The following NDUFB7 variants were observed in gnomAD, a reference collection of about 807,000 sequenced individuals.
NDUFB7 encodes NADH dehydrogenase [ubiquinone] 1 beta subcomplex subunit 7.
A neutral mutation model predicts 14.7 loss-of-function variants in NDUFB7; 18 were observed. That is an observed-to-expected ratio of 1.22 (90% CI 0.85 to 1.81). NDUFB7 has a LOEUF of 1.81. NDUFB7 is among the 40% of genes most tolerant of loss of function. The pLI is 0.00. For synonymous variants in NDUFB7, 86 were observed against 76.1 expected, an observed-to-expected ratio of 1.13 and a Z score of -0.68; for missense variants, 219 against 195.0, an observed-to-expected ratio of 1.12 and a Z score of -0.73.
At position 14,567,196 on chromosome 19, in the gene NDUFB7, C is replaced by A. The variant is rs1451544877; in HGVS notation, c.113-263G>T. 3.9e-5 allele frequency among the ~76,000 whole-genome samples: 6 copies of A among 152,116 alleles called. No homozygotes were observed. The highest frequency in any genetic ancestry group is 8.8e-5 in the Non-Finnish European group (6 of 68,012). On this transcript the variant is annotated intron_variant, in intron 1 of 2. Coordinates refer to ENST00000215565, the MANE Select transcript of NDUFB7 (RefSeq NM_004146.6). This position sits in a 1 kb window ranked among gnomAD's most constrained non-coding sequence, Gnocchi z 5.1. ...TCCCCATCACCCTGAGGCACCTCAACATCCCGTGCCGGATCCTTGCCTCCC... is the reference window on the plus strand; with the variant it reads ...TCCCCATCACCCTGAGGCACCTCAAAATCCCGTGCCGGATCCTTGCCTCCC...
chr19:14,571,528 T>C (rs1043132287), intron 1 of NDUFB7, among the ~76,000 whole-genome samples: 3 of 149,386 alleles, frequency 2.0e-5, no homozygotes, highest in Non-Finnish European at 4.4e-5. Flanking sequence ...ACCCGGGAGG[T>C]GGAGGCTGCC....
chr19:14,566,116 G>T lies in NDUFB7; in HGVS notation c.*17C>A. On this transcript the variant is annotated 3_prime_UTR_variant, in exon 3 of 3. Coordinates refer to ENST00000215565, the MANE Select transcript of NDUFB7 (RefSeq NM_004146.6). ...AGGCTTTTATTTGACTGGTCCATAG[G>T]GTGGGGGGTGCACCCCCTACAGGGC... 1.2e-6 allele frequency: 2 copies of T among 1,603,846 alleles called. No individual in the cohort carries two copies. The highest frequency in any genetic ancestry group is 1.7e-6 in the Non-Finnish European group (2 of 1,175,016).
At chr19:14,571,782 C>A in intron 1 of NDUFB7, 107 bp downstream of exon 1, 1 of 1,068,404 alleles carries the variant, frequency 9.4e-7, no homozygotes, top group Non-Finnish European at 1.4e-6. Flanking sequence ...AACCCAGATA[C>A]AACACCTGAG....
rs981436499 is a variant in NDUFB7 at position 14,567,590 on chromosome 19, C to T, written c.113-657G>A. On this transcript the variant is annotated intron_variant, in intron 1 of 2. Transcript: ENST00000215565. The surrounding 1 kb of genome is among the most constrained non-coding windows in gnomAD (Gnocchi z 5.1). ...GACAAATCAACCTTCAGGAGGGGGC[C>T]GATGGGAGCATGAGGAATCCTGGAC... 4.6e-5 allele frequency among the ~76,000 whole-genome samples: 7 copies of T among 151,946 alleles called. No individual in the cohort carries two copies. In the East Asian group the frequency reaches 1.3e-3, roughly 29 times the overall value.
intron 1 of NDUFB7, among the ~76,000 whole-genome samples, chr19:14,570,446 C>G (rs1222397889): frequency 1.3e-5 from 2 of 151,368 alleles, no homozygotes; most frequent in South Asian, 4.2e-4. Context: ...GTGATCTGCC[C>G]GCCTCGGCCT....
At position 14,566,269 on chromosome 19, in the gene NDUFB7, G is replaced by A. The variant is rs775987998; in HGVS notation, c.282-4C>T. On this transcript the variant is annotated splice_region_variant and splice_polypyrimidine_tract_variant and intron_variant, in intron 2 of 2. Coordinates refer to ENST00000215565, the MANE Select transcript of NDUFB7 (RefSeq NM_004146.6). ...CTCCTTCATGCGCATCACATAGCTG[G>A]GGGAAAAGCACGAGAGGGGCTGTCA... 5 of 1,613,918 alleles carry A rather than the reference G, an allele frequency of 3.1e-6. No homozygotes were observed. The highest frequency in any genetic ancestry group is 1.7e-4 in the Middle Eastern group (1 of 6,060).
chr19:14,570,545 C>T (rs2074118710), intron 1 of NDUFB7, among the ~76,000 whole-genome samples: 1 of 152,116 alleles, frequency 6.6e-6, no homozygotes, highest in East Asian at 1.9e-4. Flanking sequence ...CCATGTTGGC[C>T]AGGCTGGTCT....
At position 14,572,039 on chromosome 19, in the gene NDUFB7, C is replaced by A; in HGVS notation, c.-39G>T. 3 of 1,477,836 alleles carry A rather than the reference C, an allele frequency of 2.0e-6. No individual in the cohort carries two copies. The South Asian group carries it at 3.7e-5, about 18-fold the overall frequency. 91.5% of individuals were successfully genotyped at this position (1,477,836 alleles called of 1,614,324 possible). A position where few individuals can be genotyped will look rare whatever the true frequency, so the allele number is the denominator to read the frequency against. ...GCAGATCCCTGCAGCAGCCGAGGGT[C>A]ACCTAGCTCCTACCCGGAACCACTG... On this transcript the variant is annotated 5_prime_UTR_variant, in exon 1 of 3. Transcript: ENST00000215565.
chr19:14,571,185 G>C (rs1443968149), intron 1 of NDUFB7, among the ~76,000 whole-genome samples: 2 of 152,138 alleles, frequency 1.3e-5, no homozygotes, highest in Non-Finnish European at 2.9e-5. Context: ...TTGCAGGACA[G>C]TATTTGCAGC....
chr19:14,571,132 G>A (rs897896540), intron 1 of NDUFB7, among the ~76,000 whole-genome samples: 1 of 151,844 alleles, frequency 6.6e-6, no homozygotes, highest in African/African-American at 2.4e-5. Flanking sequence ...CACTCAGCCT[G>A]GGCAACAGAG....
Position 14,567,375 on chromosome 19 carries a change from A to G in NDUFB7, c.113-442T>C, listed in dbSNP as rs558121798. On this transcript the variant is annotated intron_variant, in intron 1 of 2. Coordinates refer to ENST00000215565, the MANE Select transcript of NDUFB7 (RefSeq NM_004146.6). This position sits in a 1 kb window ranked among gnomAD's most constrained non-coding sequence, Gnocchi z 5.1. ...AGCCTTTCTTGTCTGCAACCCACCC[A>G]AGGCCCAGCTCTGCACTGGCCGGCG... Among the ~76,000 whole-genome samples the G allele has an allele frequency of 5.8e-4, 87 of 149,942 alleles. No individual in the cohort carries two copies. The highest frequency in any genetic ancestry group is 2.1e-3 in the African/African-American group (86 of 40,470).
intron 1 of NDUFB7, among the ~76,000 whole-genome samples, chr19:14,571,537 C>A (rs1426140366): frequency 6.6e-6 from 1 of 152,008 alleles, no homozygotes; most frequent in Non-Finnish European, 1.5e-5. Context: ...GTGGAGGCTG[C>A]CAGTGAATCG....
intron 1 of NDUFB7, among the ~76,000 whole-genome samples, chr19:14,570,334 G>A (rs189218470): frequency 3.6e-4 from 55 of 152,052 alleles, no homozygotes; most frequent in African/African-American, 1.3e-3. Flanking sequence ...TGAGTAGCTG[G>A]GACTACAGGT....
intron 1 of NDUFB7, among the ~76,000 whole-genome samples, chr19:14,568,523 T>G (rs2074106507): frequency 6.6e-6 from 1 of 152,198 alleles, no homozygotes; most frequent in Admixed American, 6.5e-5. Context: ...CTTGAACTTA[T>G]AATCAGCTAG....
chr19:14,566,359 G>C (rs1345828108), intron 2 of NDUFB7, 94 bp from the exon 3 acceptor site: 3 of 1,575,400 alleles, frequency 1.9e-6, no homozygotes, highest in Admixed American at 1.7e-5. Flanking sequence ...AGAGCACTGT[G>C]GGGGAGGCCT....
chr19:14,568,324 T>G (rs1349946704), intron 1 of NDUFB7, among the ~76,000 whole-genome samples: 2 of 152,076 alleles, frequency 1.3e-5, no homozygotes, highest in Non-Finnish European at 2.9e-5. Context: ...GGATTACAGG[T>G]GTGAGCCACT....
In NDUFB7 at chr19:14,567,746, G is replaced by C. The variant is rs1187829788; in HGVS notation, c.113-813C>G. On this transcript the variant is annotated intron_variant, in intron 1 of 2. Coordinates refer to ENST00000215565, the MANE Select transcript of NDUFB7 (RefSeq NM_004146.6). The surrounding 1 kb of genome is among the most constrained non-coding windows in gnomAD (Gnocchi z 5.1). Reference sequence around the variant, plus strand: ...CCAGCTCCTTCCCATCTGCGCAAGTGAGACGAGATATATTCACATCTCAAT... The same window carrying C: ...CCAGCTCCTTCCCATCTGCGCAAGTCAGACGAGATATATTCACATCTCAAT... Among the ~76,000 whole-genome samples, 1 of 152,014 alleles carries C rather than the reference G, an allele frequency of 6.6e-6. No individual in the cohort carries two copies. The highest frequency in any genetic ancestry group is 6.6e-5 in the Admixed American group (1 of 15,244).
chr19:14,569,865 C>T (rs1468720393), intron 1 of NDUFB7, among the ~76,000 whole-genome samples: 3 of 152,148 alleles, frequency 2.0e-5, no homozygotes, highest in Non-Finnish European at 2.9e-5. Context: ...TGGTCAACCC[C>T]TACTCATGCC....
chr19:14,570,706 T>C (rs2074119974), intron 1 of NDUFB7, among the ~76,000 whole-genome samples: 1 of 152,216 alleles, frequency 6.6e-6, no homozygotes, highest in African/African-American at 2.4e-5. Context: ...CTCTGCCTGA[T>C]TCCACAATCT....
Sources: allele counts gnomAD v4.1 joint callset (sites outside exome capture counted in the v4.1 genomes callset), GRCh38; gene constraint gnomAD v4.1.1; non-coding constraint Gnocchi (gnomAD v3.1); transcripts MANE v1.5; gene names NCBI Gene and HGNC (gene_info 2026-07-23, HGNC 2026-07-21).